Variants in EPB41 observed in about 807,000 individuals in gnomAD.
The protein encoded by EPB41 is erythrocyte membrane protein band 4.1, also known as protein 4.1.
Under a neutral mutation model 108.0 loss-of-function variants are expected in EPB41, and 65 were observed. The observed-to-expected ratio is 0.60, with a 90% CI of 0.49 to 0.74. The LOEUF (loss-of-function observed/expected upper bound fraction) is 0.74, where lower values mean the gene tolerates loss of function less well. Ranked by LOEUF, EPB41 falls within the 30% of genes least tolerant of loss-of-function variation. The pLI is 0.00. For missense variants in EPB41, 875 were observed against 1,037.0 expected (o/e 0.84, Z 2.15); for synonymous variants, 336 against 358.9 (o/e 0.94, Z 0.72).
At chr1:29,047,533 T>C (rs896573275) in intron 11 of EPB41, among the ~76,000 whole-genome samples, 3 of 150,662 alleles carry the variant, frequency 2.0e-5, no homozygotes, top group Non-Finnish European at 4.4e-5. Context: ...GGATTATAGG[T>C]GTGAGTCATC....
chr1:29,042,764 AC>A (rs997211931), intron 11 of EPB41, among the ~76,000 whole-genome samples: 4 of 144,178 alleles, frequency 2.8e-5, no homozygotes, highest in Admixed American at 7.0e-5. Context: ...TAGACATGAC[AC>A]CCCCCAACTT....
At chr1:28,948,352 C>CA (rs1029194948) in intron 1 of EPB41, among the ~76,000 whole-genome samples, 3 of 151,146 alleles carry the variant, frequency 2.0e-5, no homozygotes, top group African/African-American at 7.3e-5. Flanking sequence ...ATACAAAAAA[C>CA]AAAAAAATTA....
intron 1 of EPB41, among the ~76,000 whole-genome samples, chr1:28,951,361 TACACACACACACACACACAC>T (rs58546363): frequency 1.4e-5 from 2 of 142,946 alleles, no homozygotes; most frequent in African/African-American, 5.1e-5. Flanking sequence ...CCCTGTGTCT[TACACACACACACACACACAC>T]ACACACACAC....
intron 1 of EPB41, among the ~76,000 whole-genome samples, chr1:28,909,549 AC>A (rs1364385621): frequency 6.6e-6 from 1 of 152,098 alleles, no homozygotes; most frequent in East Asian, 1.9e-4. Context: ...TAATCCCAGC[AC>A]TCTGTGAGGC....
upstream of EPB41, among the ~76,000 whole-genome samples, chr1:28,909,594 A>G (rs1216986937): frequency 6.6e-6 from 1 of 152,034 alleles, no homozygotes; most frequent in Non-Finnish European, 1.5e-5. Flanking sequence ...CCAGGAGTTC[A>G]AGACTAGTCT....
intron 15 of EPB41, among the ~76,000 whole-genome samples, chr1:29,064,448 T>C (rs1050331842): frequency 2.0e-5 from 3 of 152,152 alleles, no homozygotes; most frequent in African/African-American, 4.8e-5. Context: ...CACCTAGTAA[T>C]AGAGAAGTAA....
intron 1 of EPB41, among the ~76,000 whole-genome samples, chr1:28,897,208 G>A (rs2090761925): frequency 6.6e-6 from 1 of 152,018 alleles, no homozygotes; most frequent in East Asian, 1.9e-4. Flanking sequence ...GTGTGGTGCA[G>A]AAAAGCCCTG....
chr1:29,052,947 G>A (rs1644774309), intron 11 of EPB41, among the ~76,000 whole-genome samples, 157 bp from the exon 12 acceptor site: 1 of 152,198 alleles, frequency 6.6e-6, no homozygotes, highest in South Asian at 2.1e-4. Flanking sequence ...CCCTGGCAGA[G>A]CACTAATGAT....
At chr1:28,976,177 A>G (rs1305968637) in intron 1 of EPB41, among the ~76,000 whole-genome samples, 12 of 152,098 alleles carry the variant, frequency 7.9e-5, no homozygotes, top group Non-Finnish European at 1.5e-5. Context: ...ACCATGTTTA[A>G]TGGTTTCATT....
chr1:29,025,246 A>C (rs977373162), intron 7 of EPB41, among the ~76,000 whole-genome samples: 10 of 152,088 alleles, frequency 6.6e-5, no homozygotes, highest in Non-Finnish European at 1.3e-4. Context: ...ACAATCCTTA[A>C]TTAGGAGATA....
At chr1:29,061,733 C>A (rs1458036092) in intron 15 of EPB41, among the ~76,000 whole-genome samples, 1 of 151,802 alleles carries the variant, frequency 6.6e-6, no homozygotes, top group Admixed American at 6.6e-5. Context: ...GTGCATGCCA[C>A]AATGCCCAGC....
intron 16 of EPB41, among the ~76,000 whole-genome samples, chr1:29,095,111 C>A (rs1467716884): frequency 6.6e-6 from 1 of 151,902 alleles, no homozygotes; most frequent in Non-Finnish European, 1.5e-5. Flanking sequence ...TGGTTGAATC[C>A]ATGGATGCAG....
In EPB41 at chr1:28,887,688, C is replaced by A. The variant is rs1035108236; in HGVS notation, c.-8+478C>A. 1.0e-6 allele frequency: 1 copy of A among 985,134 alleles called. No homozygotes were observed. Among genetic ancestry groups the A allele is most frequent in the Admixed American group, 6.1e-5 (1 of 16,274 alleles). The allele number at this position is 985,134 out of a possible 1,614,324, so 61.0% of individuals were successfully genotyped here. ...GGGGCCTGGAGCCCCGCGCCCCGCT[C>A]CGGCCCTTACGTAACTGACTTTGAG... On this transcript the variant is annotated intron_variant, in intron 1 of 16. Transcript: ENST00000347529. The surrounding 1 kb of genome is among the most constrained non-coding windows in gnomAD (Gnocchi z 4.9).
chr1:29,112,274 T>C lies in EPB41; in HGVS notation c.2416-94T>C, dbSNP rs77612275. The C allele has an allele frequency of 4.0e-4, 411 of 1,036,246 alleles. No individual in the cohort carries two copies. The African/African-American group carries it at 5.6e-3, about 14-fold the overall frequency. The allele number at this position is 1,036,246 out of a possible 1,614,324, so 64.2% of individuals were successfully genotyped here. A position where few individuals can be genotyped will look rare whatever the true frequency, so the allele number is the denominator to read the frequency against. On this transcript the variant is annotated intron_variant, in intron 18 of 20. Coordinates refer to ENST00000343067, the MANE Select transcript of EPB41 (RefSeq NM_001376013.1). ...TCTCAGCCTCCCAAAGTGTTGAGAT[T>C]ACAAGTGTGAACCACTAAACCTGGC...
intron 1 of EPB41, among the ~76,000 whole-genome samples, chr1:28,931,387 AAAAG>A (rs2093734590): frequency 6.6e-6 from 1 of 151,438 alleles, no homozygotes; most frequent in East Asian, 1.9e-4. Context: ...AAAAAAAAAA[AAAAG>A]GCTGAAAAAT....
At chr1:29,070,519 C>T in intron 16 of EPB41, 1 of 1,232,150 alleles carries the variant, frequency 8.1e-7, no homozygotes, top group Non-Finnish European at 1.0e-6. Flanking sequence ...AAAAGTGCCA[C>T]CTCTACTTTA....
intron 1 of EPB41, among the ~76,000 whole-genome samples, chr1:28,961,832 T>C (rs1196832497): frequency 6.6e-6 from 1 of 152,200 alleles, no homozygotes; most frequent in Non-Finnish European, 1.5e-5. Context: ...AGTTTAAATC[T>C]TTAGAGGAAA....
At chr1:29,109,547 C>A in intron 18 of EPB41, 110 bp downstream of exon 18, 1 of 857,910 alleles carries the variant, frequency 1.2e-6, no homozygotes, top group Non-Finnish European at 2.0e-6. Context: ...CAGCTCCATC[C>A]CTAGTAAGCC....
chr1:28,985,424 A>C (rs2095851639), intron 1 of EPB41, among the ~76,000 whole-genome samples: 1 of 152,200 alleles, frequency 6.6e-6, no homozygotes, highest in Non-Finnish European at 1.5e-5. Context: ...AAAGACAATA[A>C]ACTGGTAAAC....
Sources: allele counts gnomAD v4.1 joint callset (sites outside exome capture counted in the v4.1 genomes callset), GRCh38; gene constraint gnomAD v4.1.1; non-coding constraint Gnocchi (gnomAD v3.1); transcripts MANE v1.5; gene names NCBI Gene and HGNC (gene_info 2026-07-23, HGNC 2026-07-21).